Variants in EVA1C observed in about 807,000 individuals in gnomAD.
The protein encoded by EVA1C is protein eva-1 homolog C.
EVA1C carries 25 observed loss-of-function variants against 45.4 expected under a neutral mutation model. The observed-to-expected ratio is 0.55, with a 90% CI of 0.40 to 0.77. The LOEUF (loss-of-function observed/expected upper bound fraction) is 0.77, where lower values mean the gene tolerates loss of function less well. EVA1C is among the 30% of genes least tolerant of loss of function. EVA1C has a pLI of 0.00. For synonymous variants in EVA1C, 190 were observed against 221.2 expected (o/e 0.86, Z 1.25); for missense variants, 479 against 554.8 (o/e 0.86, Z 1.37).
At chr21:32,427,553 A>G (rs1273379474) in intron 1 of EVA1C, among the ~76,000 whole-genome samples, 1 of 152,072 alleles carries the variant, frequency 6.6e-6, no homozygotes, top group East Asian at 1.9e-4. Flanking sequence ...TCTCTACTAA[A>G]AATACAAAAA....
chr21:32,472,495 G>A (rs73353069), intron 4 of EVA1C, among the ~76,000 whole-genome samples: 1,999 of 152,172 alleles, frequency 0.013, 35 homozygotes, highest in Admixed American at 0.038. Flanking sequence ...TATACCAGAC[G>A]CAGTGGTTTA....
At chr21:32,483,972 G>C (rs1168806374) in intron 4 of EVA1C, among the ~76,000 whole-genome samples, 3 of 134,146 alleles carry the variant, frequency 2.2e-5, no homozygotes. Flanking sequence ...ATGTGTGTGT[G>C]TGTGTGTGTG....
At chr21:32,421,947 C>T (rs755296521) in intron 1 of EVA1C, among the ~76,000 whole-genome samples, 46 of 149,046 alleles carry the variant, frequency 3.1e-4, no homozygotes, top group Non-Finnish European at 4.7e-4. Flanking sequence ...TGGAAGGCTG[C>T]GACATGAGAA....
chr21:32,429,633 T>TCCC (rs2034622702), intron 1 of EVA1C, among the ~76,000 whole-genome samples: 2 of 152,138 alleles, frequency 1.3e-5, no homozygotes, highest in Middle Eastern at 3.2e-3. Flanking sequence ...AGATTACAGG[T>TCCC]ATGAGTCACT....
At chr21:32,422,679 C>T (rs538582133) in intron 1 of EVA1C, among the ~76,000 whole-genome samples, 10 of 152,134 alleles carry the variant, frequency 6.6e-5, no homozygotes, top group African/African-American at 2.4e-4. Context: ...AACAAACAAA[C>T]AAAAAACAAC....
chr21:32,434,790 C>T (rs1006013131), intron 1 of EVA1C, among the ~76,000 whole-genome samples: 4 of 152,248 alleles, frequency 2.6e-5, no homozygotes, highest in Admixed American at 2.0e-4. Context: ...TCAGATGGAG[C>T]GTGGCCCTGA....
rs528478960 is a variant in EVA1C at position 32,445,892 on chromosome 21, C to T, written c.161-7420C>T. On this transcript the variant is annotated intron_variant, in intron 1 of 7. Transcript: ENST00000300255. ...GGGAGGATTCACCAGGGAAGAGTAT[C>T]TTGGAGTTACACATGAGCTGCACCA... 1.1e-4 allele frequency among the ~76,000 whole-genome samples: 17 copies of T among 152,278 alleles called. No individual in the cohort carries two copies. In the East Asian group the frequency reaches 3.1e-3, roughly 28 times the overall value.
At chr21:32,488,712 A>G (rs1038765336) in intron 4 of EVA1C, among the ~76,000 whole-genome samples, 2 of 151,714 alleles carry the variant, frequency 1.3e-5, no homozygotes, top group Non-Finnish European at 2.9e-5. Context: ...CAGCCTCCCT[A>G]GTAGCTGGGA....
chr21:32,462,228 A>T (rs1370693108), intron 3 of EVA1C, among the ~76,000 whole-genome samples: 4 of 151,562 alleles, frequency 2.6e-5, no homozygotes, highest in East Asian at 1.9e-4. Context: ...CTCTAAAAAA[A>T]AAAAAAAAAA....
intron 7 of EVA1C, among the ~76,000 whole-genome samples, 175 bp from the exon 8 acceptor site, chr21:32,514,639 G>GA (rs1447295540): frequency 1.3e-5 from 2 of 151,660 alleles, no homozygotes; most frequent in African/African-American, 4.8e-5. Flanking sequence ...AAGCTTTTTT[G>GA]AAAAAAAATG....
intron 1 of EVA1C, among the ~76,000 whole-genome samples, chr21:32,449,598 G>A (rs1226015876): frequency 6.6e-6 from 1 of 151,786 alleles, no homozygotes; most frequent in Non-Finnish European, 1.5e-5. Context: ...TGTGGGCCTA[G>A]GTTTCTTTCG....
chr21:32,423,069 T>TCA (rs2034346312), intron 1 of EVA1C, among the ~76,000 whole-genome samples: 1 of 2,192 alleles, frequency 4.6e-4, no homozygotes, highest in South Asian at 0.011. Context: ...AGACTCTGTC[T>TCA]CAAAAAAAAA....
chr21:32,424,962 T>A (rs1425381569), intron 1 of EVA1C, among the ~76,000 whole-genome samples: 1 of 152,038 alleles, frequency 6.6e-6, no homozygotes, highest in East Asian at 1.9e-4. Flanking sequence ...GCTCAACAGC[T>A]CCTCCTGCCT....
intron 1 of EVA1C, among the ~76,000 whole-genome samples, chr21:32,414,741 C>T (rs961720294): frequency 1.3e-5 from 2 of 152,018 alleles, no homozygotes; most frequent in African/African-American, 4.8e-5. Context: ...CCATACGAAC[C>T]TAAATTCCAG....
intron 4 of EVA1C, among the ~76,000 whole-genome samples, chr21:32,485,211 C>T (rs2036933100): frequency 6.6e-6 from 1 of 152,134 alleles, no homozygotes. Flanking sequence ...GAAATAGTCT[C>T]ACTCTGTCAC....
chr21:32,424,691 C>T (rs1484268301), intron 1 of EVA1C, among the ~76,000 whole-genome samples: 6 of 152,180 alleles, frequency 3.9e-5, no homozygotes, highest in Non-Finnish European at 5.9e-5. Flanking sequence ...GCTGTGGTCC[C>T]GCTCTGTGGA....
chr21:32,469,672 G>A (rs1444428382), intron 4 of EVA1C, among the ~76,000 whole-genome samples: 2 of 152,188 alleles, frequency 1.3e-5, no homozygotes, highest in Admixed American at 6.5e-5. Context: ...GCAGGCTGGA[G>A]ACCCAGGAAA....
chr21:32,507,498 GTGTC>G (rs765525914), intron 7 of EVA1C, among the ~76,000 whole-genome samples: 2 of 150,902 alleles, frequency 1.3e-5, no homozygotes, highest in Non-Finnish European at 3.0e-5. Flanking sequence ...CTGTGTGCGT[GTGTC>G]TGTATCTGTG....
Position 32,506,642 on chromosome 21 carries a change from G to A in EVA1C, c.949+2627G>A, listed in dbSNP as rs531703819. ...TGGGTTTTCTTGGTGTGTCTATGTC[G>A]CTGTCTGGGTGGCCACTCTAGAGGT... On this transcript the variant is annotated intron_variant, in intron 7 of 7. Transcript: ENST00000300255. Among the ~76,000 whole-genome samples, 5 of 152,202 alleles carry A rather than the reference G, an allele frequency of 3.3e-5. No individual in the cohort carries two copies. In the South Asian group the frequency reaches 6.2e-4, roughly 19 times the overall value.
Sources: allele counts gnomAD v4.1 joint callset (sites outside exome capture counted in the v4.1 genomes callset), GRCh38; gene constraint gnomAD v4.1.1; transcripts MANE v1.5; gene names NCBI Gene and HGNC (gene_info 2026-07-23, HGNC 2026-07-21).